Variants in MELK observed in about 807,000 individuals in gnomAD.
MELK encodes the protein maternal embryonic leucine zipper kinase.
A neutral mutation model predicts 85.0 loss-of-function variants in MELK; 81 were observed. The ratio of observed to expected loss-of-function variants is 0.95; its 90% CI spans 0.80 to 1.15. The LOEUF (loss-of-function observed/expected upper bound fraction) is 1.15, where lower values mean the gene tolerates loss of function less well. MELK is among the 50% of genes most tolerant of loss of function. The probability of loss-of-function intolerance (pLI) is 0.00; values close to 1 mark genes in which losing one functional copy is unlikely to be tolerated. For missense variants in MELK, 754 were observed against 777.5 expected, an observed-to-expected ratio of 0.97 and a Z score of 0.36; for synonymous variants, 252 against 265.0, an observed-to-expected ratio of 0.95 and a Z score of 0.48.
intron 7 of MELK, among the ~76,000 whole-genome samples, chr9:36,602,649 T>G (rs1347478804): frequency 1.4e-5 from 2 of 146,044 alleles, no homozygotes; most frequent in Non-Finnish European, 3.0e-5. Context: ...AACCTCAGCC[T>G]CCTGGGTTCA....
In MELK at chr9:36,651,825, TTTC is replaced by T; in HGVS notation, c.1007_1009del (p.Ser336del). The T allele has an allele frequency of 6.2e-7, 1 of 1,614,018 alleles. No homozygotes were observed. Among genetic ancestry groups the T allele is most frequent in the South Asian group, 1.1e-5 (1 of 91,070 alleles). ...CGGGGAAAACCAGTTCGTTTAAGGC[TTTC>T]TTCTTTCTCCTGTGGACAAGCCAGT... On this transcript the variant is annotated inframe_deletion, in exon 12 of 18. Coordinates refer to ENST00000298048, the MANE Select transcript of MELK (RefSeq NM_014791.4).
intron 4 of MELK, among the ~76,000 whole-genome samples, chr9:36,591,683 C>A (rs1462006708): frequency 6.6e-6 from 1 of 152,182 alleles, no homozygotes; most frequent in Non-Finnish European, 1.5e-5. Context: ...GTAATCCCAG[C>A]ACTTTGGGAG....
At chr9:36,655,937 CTT>C (rs138020815) in intron 12 of MELK, among the ~76,000 whole-genome samples, 2 of 151,644 alleles carry the variant, frequency 1.3e-5, no homozygotes, top group Non-Finnish European at 2.9e-5. Flanking sequence ...GGCAGTGAGA[CTT>C]TGGGAAAAAA....
chr9:36,666,918 T>G (rs1430356674), intron 14 of MELK, among the ~76,000 whole-genome samples: 10 of 148,816 alleles, frequency 6.7e-5, no homozygotes, highest in African/African-American at 2.5e-4. Context: ...ATGGTGTGTG[T>G]GTGGGGGGGT....
intron 10 of MELK, among the ~76,000 whole-genome samples, chr9:36,633,666 A>G (rs1828856178): frequency 6.6e-6 from 1 of 152,186 alleles, no homozygotes; most frequent in Non-Finnish European, 1.5e-5. Flanking sequence ...TGATAAAACT[A>G]TTGCATATTA....
chr9:36,581,650 T>C lies in MELK; in HGVS notation c.-32T>C, dbSNP rs1001237452. 1 of 1,481,162 alleles carries C rather than the reference T, an allele frequency of 6.8e-7. No homozygotes were observed. The highest frequency in any genetic ancestry group is 1.4e-5 in the African/African-American group (1 of 71,786). 91.8% of individuals were successfully genotyped at this position (1,481,162 alleles called of 1,614,324 possible). A position where few individuals can be genotyped will look rare whatever the true frequency, so the allele number is the denominator to read the frequency against. On this transcript the variant is annotated 5_prime_UTR_variant, in exon 2 of 18. Transcript: ENST00000298048. ...TGTACTCTCTGTCTTCTAGGTTCTT[T>C]TTCTAATTCCAAATAAACTTGCAAG...
rs1197719208 is a variant in MELK at position 36,594,757 on chromosome 9, AG to A, written c.394del (p.Asp132ThrfsTer15). 3.1e-6 allele frequency: 5 copies of A among 1,613,516 alleles called. No homozygotes were observed. Among genetic ancestry groups the A allele is most frequent in the Admixed American group, 1.7e-5 (1 of 59,896 alleles). On this transcript the variant is annotated frameshift_variant, in exon 5 of 18. Coordinates refer to ENST00000298048, the MANE Select transcript of MELK (RefSeq NM_014791.4). LOFTEE classifies it high-confidence loss of function. ...TGTGCACAGCCAGGGCTATGCTCAC[AG>A]GGACCTCAAGCCAGTAAGTGACTGC... is the stretch of plus-strand genomic sequence containing the variant. ...AYVHSQGYAH[R>X]DLKPENLLFD... is the part of the protein sequence containing the mutation.
intron 16 of MELK, 53 bp downstream of exon 16, chr9:36,671,219 T>C: frequency 6.9e-7 from 1 of 1,453,352 alleles, no homozygotes; most frequent in Non-Finnish European, 9.1e-7. Flanking sequence ...GCTAATGGAC[T>C]GCCTTTTTTT....
intron 8 of MELK, among the ~76,000 whole-genome samples, chr9:36,608,544 T>C (rs1825784598): frequency 6.6e-6 from 1 of 152,052 alleles, no homozygotes; most frequent in African/African-American, 2.4e-5. Context: ...CATTCAGTTT[T>C]TGAAAACTCA....
At chr9:36,630,659 A>C (rs1005856533) in intron 9 of MELK, among the ~76,000 whole-genome samples, 1 of 152,058 alleles carries the variant, frequency 6.6e-6, no homozygotes, top group Non-Finnish European at 1.5e-5. Flanking sequence ...TGATTGATTG[A>C]TTGATGGAGA....
At chr9:36,587,017 T>G (rs772561974) in intron 3 of MELK, among the ~76,000 whole-genome samples, 8 of 151,318 alleles carry the variant, frequency 5.3e-5, no homozygotes, top group Non-Finnish European at 1.0e-4. Context: ...CCCAGCTAAT[T>G]TTTTTGTATT....
rs189719061 is a variant in MELK, at chr9:36,637,075, G to A, written c.834+3875G>A. Among the ~76,000 whole-genome samples the A allele has an allele frequency of 1.6e-3, 237 of 151,320 alleles. 1 individual carries two copies. Among genetic ancestry groups the A allele is most frequent in the Middle Eastern group, 6.8e-3 (2 of 294 alleles). ...TCTCGATCTCCTGACCTTGTTATCCGCCTGCCTCGGCCTCCCAAAGTGCTG... is the reference window on the plus strand; with the variant it reads ...TCTCGATCTCCTGACCTTGTTATCCACCTGCCTCGGCCTCCCAAAGTGCTG... On this transcript the variant is annotated intron_variant, in intron 10 of 17. Transcript: ENST00000298048.
chr9:36,601,326 T>C (rs1824901635), intron 7 of MELK, among the ~76,000 whole-genome samples: 1 of 152,204 alleles, frequency 6.6e-6, no homozygotes, highest in Non-Finnish European at 1.5e-5. Flanking sequence ...AAGACTTCCT[T>C]AGGCTTTCTT....
At chr9:36,659,784 A>G (rs887448760) in intron 13 of MELK, among the ~76,000 whole-genome samples, 3 of 152,078 alleles carry the variant, frequency 2.0e-5, no homozygotes, top group Admixed American at 6.6e-5. Context: ...AGATCCTTCT[A>G]AAGTGTTTTT....
chr9:36,647,494 C>CTTT (rs112975528), intron 11 of MELK, among the ~76,000 whole-genome samples: 1 of 143,664 alleles, frequency 7.0e-6, no homozygotes, highest in Admixed American at 7.0e-5. Flanking sequence ...TTCTTTCTTT[C>CTTT]TTTTTTTTTT....
chr9:36,661,409 T>C (rs1831799543), intron 13 of MELK, among the ~76,000 whole-genome samples: 1 of 152,196 alleles, frequency 6.6e-6, no homozygotes, highest in Non-Finnish European at 1.5e-5. Context: ...TAATCTCAAC[T>C]TTTCAGTGGA....
chr9:36,669,501 C>A (rs144160026), intron 15 of MELK, 95 bp downstream of exon 15: 7 of 874,618 alleles, frequency 8.0e-6, no homozygotes, highest in Non-Finnish European at 1.2e-5. Context: ...TAAATCATCA[C>A]ATAGATTCTG....
rs1399838822 is a variant in MELK at position 36,649,947 on chromosome 9, A to ATTT, written c.922-1799_922-1798insTTT. Among the ~76,000 whole-genome samples the ATTT allele has an allele frequency of 7.3e-3, 1,115 of 151,716 alleles. 9 individuals carry two copies. The highest frequency in any genetic ancestry group is 0.02 in the East Asian group (103 of 5,142). On this transcript the variant is annotated intron_variant, in intron 11 of 17. Transcript: ENST00000298048. ...TTAATTTAATTTAATTAAATTAATTAATTTATTTATTTTTGAGACAGAATC... is the reference window on the plus strand; with the variant it reads ...TTAATTTAATTTAATTAAATTAATTATTTATTTATTTATTTTTGAGACAGAATC...
chr9:36,616,246 A>T (rs1826772340), intron 8 of MELK, among the ~76,000 whole-genome samples: 1 of 152,164 alleles, frequency 6.6e-6, no homozygotes, highest in African/African-American at 2.4e-5. Flanking sequence ...TCATATAACC[A>T]TTGCCACAGT....
Sources: gnomAD v4.1 joint callset for allele counts (sites outside exome capture counted in the v4.1 genomes callset) on GRCh38, gnomAD v4.1.1 for gene constraint, MANE v1.5 for transcripts, NCBI Gene and HGNC (gene_info 2026-07-23, HGNC 2026-07-21) for gene names.